CHD9: variants seen among roughly 807,000 people sequenced by gnomAD.
CHD9 encodes chromodomain helicase DNA binding protein 9, also known as ATP-dependent chromatin remodeler CHD9.
CHD9 carries 77 observed loss-of-function variants against 316.1 expected under a neutral mutation model. The observed-to-expected ratio is 0.24, with a 90% CI of 0.20 to 0.29. The LOEUF is 0.29. Among genes scored for constraint, CHD9 ranks in the 10% least tolerant of loss-of-function variants. The probability of loss-of-function intolerance (pLI) is 1.00; values close to 1 mark genes in which losing one functional copy is unlikely to be tolerated. For synonymous variants in CHD9, 1,129 were observed against 1,158.3 expected, an observed-to-expected ratio of 0.97 and a Z score of 0.51; for missense variants, 2,763 against 3,438.1, an observed-to-expected ratio of 0.80 and a Z score of 4.91.
chr16:53,208,534 T>G (rs2046068435), intron 2 of CHD9: 3 of 1,046,796 alleles, frequency 2.9e-6, no homozygotes, highest in African/African-American at 3.4e-5. Context: ...AGGTGGCATT[T>G]TAGTGAGCAA....
intron 3 of CHD9, among the ~76,000 whole-genome samples, chr16:53,216,501 A>G (rs2046773178): frequency 6.6e-6 from 1 of 152,174 alleles, no homozygotes; most frequent in East Asian, 1.9e-4. Flanking sequence ...TTTAAAATCA[A>G]TAAGGTATGT....
chr16:53,218,488 T>G (rs902769563), intron 3 of CHD9, among the ~76,000 whole-genome samples: 4 of 152,188 alleles, frequency 2.6e-5, no homozygotes, highest in Admixed American at 2.6e-4. Flanking sequence ...GTAATATTTA[T>G]CTATAAAAAT....
intron 2 of CHD9, among the ~76,000 whole-genome samples, chr16:53,196,633 T>C (rs2044948224): frequency 6.6e-6 from 1 of 152,230 alleles, no homozygotes; most frequent in Non-Finnish European, 1.5e-5. Flanking sequence ...GACATAGTAA[T>C]GAGAAGTGCT....
intron 1 of CHD9, among the ~76,000 whole-genome samples, chr16:53,115,946 G>T (rs1400582480): frequency 6.6e-6 from 1 of 152,190 alleles, no homozygotes; most frequent in Admixed American, 6.5e-5. Flanking sequence ...GGAAGAGAAG[G>T]TGAAAAGGTT....
At chr16:53,220,726 T>C (rs545629195) in intron 3 of CHD9, among the ~76,000 whole-genome samples, 4 of 152,198 alleles carry the variant, frequency 2.6e-5, no homozygotes, top group Non-Finnish European at 4.4e-5. Flanking sequence ...TGTGAACTCT[T>C]TGTGTGTCAT....
At chr16:53,283,225 G>T (rs1174625823) in intron 24 of CHD9, among the ~76,000 whole-genome samples, 32 of 152,126 alleles carry the variant, frequency 2.1e-4, no homozygotes, top group Admixed American at 2.1e-3. Flanking sequence ...ACACAGTATT[G>T]CATGTCCATC....
intron 2 of CHD9, among the ~76,000 whole-genome samples, chr16:53,204,774 T>A: frequency 6.6e-6 from 1 of 152,176 alleles, no homozygotes; most frequent in Non-Finnish European, 1.5e-5. Context: ...CTATAGGTTT[T>A]CTTTTTTAAT....
chr16:53,215,279 C>G (rs181275918), intron 3 of CHD9, among the ~76,000 whole-genome samples: 122 of 152,292 alleles, frequency 8.0e-4, no homozygotes, highest in African/African-American at 2.5e-3. Context: ...TAATACGTAG[C>G]TAACAACTTG....
intron 20 of CHD9, among the ~76,000 whole-genome samples, chr16:53,263,634 T>C (rs1376771956): frequency 6.6e-6 from 1 of 152,144 alleles, no homozygotes; most frequent in East Asian, 1.9e-4. Flanking sequence ...TCAGTGTTTT[T>C]CAGTCTTACC....
At position 53,101,273 on chromosome 16, in the gene CHD9, C is replaced by CTTTTTT. The variant is rs1012377760; in HGVS notation, c.-165+46210_-165+46215dup. Among the ~76,000 whole-genome samples, 162 of 124,812 alleles carry CTTTTTT rather than the reference C, an allele frequency of 1.3e-3. 1 individual carries two copies. The highest frequency in any genetic ancestry group is 4.7e-3 in the Middle Eastern group (1 of 214). The allele number at this position is 124,812 out of a possible 152,430, so 81.9% of individuals were successfully genotyped here. ...CTCCAATCTCACATTTTTTCCTTTT[C>CTTTTTT]TTTTTTTTTTTTTTTTTTTGAGACA... On this transcript the variant is annotated intron_variant, in intron 1 of 38. Coordinates refer to ENST00000447540, the MANE Select transcript of CHD9 (RefSeq NM_001308319.2).
At chr16:53,265,768 G>T (rs73601678) in intron 20 of CHD9, among the ~76,000 whole-genome samples, 2 of 152,134 alleles carry the variant, frequency 1.3e-5, no homozygotes, top group African/African-American at 4.8e-5. Flanking sequence ...GAAGTGATTG[G>T]CATATTTAAC....
At chr16:53,264,732 A>G (rs541088968) in intron 20 of CHD9, among the ~76,000 whole-genome samples, 8 of 152,274 alleles carry the variant, frequency 5.3e-5, no homozygotes, top group African/African-American at 1.9e-4. Context: ...ATCTGCACGG[A>G]GACTTGAATG....
chr16:53,246,811 A>C (rs950945140), intron 15 of CHD9, among the ~76,000 whole-genome samples: 1 of 152,156 alleles, frequency 6.6e-6, no homozygotes, highest in Non-Finnish European at 1.5e-5. Context: ...GGCACGAGCC[A>C]CTGCACCTAG....
At chr16:53,071,052 A>G (rs1028080765) in intron 1 of CHD9, among the ~76,000 whole-genome samples, 9 of 152,174 alleles carry the variant, frequency 5.9e-5, no homozygotes, top group Admixed American at 2.0e-4. Context: ...TTTTGATAGC[A>G]ATTACATTGA....
chr16:53,134,323 G>A lies in CHD9; in HGVS notation c.-164-21603G>A, dbSNP rs532703289. Among the ~76,000 whole-genome samples the A allele has an allele frequency of 4.4e-4, 67 of 152,302 alleles. 1 individual carries two copies. In the South Asian group the frequency reaches 0.012, roughly 28 times the overall value. ...TTAACCTTTCAAATTCTTTGAAGTTGTCTTAACGTGGGATATAGATTTCTT... is the reference window on the plus strand; with the variant it reads ...TTAACCTTTCAAATTCTTTGAAGTTATCTTAACGTGGGATATAGATTTCTT... On this transcript the variant is annotated intron_variant, in intron 1 of 38. Coordinates refer to ENST00000447540, the MANE Select transcript of CHD9 (RefSeq NM_001308319.2).
chr16:53,059,320 G>T (rs997246558), intron 1 of CHD9, among the ~76,000 whole-genome samples: 1 of 151,810 alleles, frequency 6.6e-6, no homozygotes, highest in South Asian at 2.1e-4. Flanking sequence ...AATATTTCTG[G>T]TGGCTGGGCA....
At chr16:53,060,100 T>C (rs2032678010) in intron 1 of CHD9, among the ~76,000 whole-genome samples, 1 of 152,176 alleles carries the variant, frequency 6.6e-6, no homozygotes, top group South Asian at 2.1e-4. Context: ...TCCCAGGACT[T>C]TGGAAGACCA....
At chr16:53,165,197 A>G (rs1430986284) in intron 2 of CHD9, among the ~76,000 whole-genome samples, 16 of 152,230 alleles carry the variant, frequency 1.1e-4, no homozygotes, top group Non-Finnish European at 2.4e-4. Flanking sequence ...TTTCTGTAGC[A>G]GGTGGAAAAT....
At chr16:53,319,554 T>C (rs1164423688) in intron 37 of CHD9, among the ~76,000 whole-genome samples, 1 of 152,194 alleles carries the variant, frequency 6.6e-6, no homozygotes, top group African/African-American at 2.4e-5. Flanking sequence ...TTCAGTAGCA[T>C]TTTACTTAAT....
Sources: gnomAD v4.1 joint callset for allele counts (sites outside exome capture counted in the v4.1 genomes callset) on GRCh38, gnomAD v4.1.1 for gene constraint, MANE v1.5 for transcripts, NCBI Gene and HGNC (gene_info 2026-07-23, HGNC 2026-07-21) for gene names.